Variants in ERBB4 observed in about 807,000 individuals in gnomAD.
ERBB4 encodes erb-b2 receptor tyrosine kinase 4.
In ERBB4, 42 loss-of-function variants were observed where a neutral mutation model predicts 158.0. The ratio of observed to expected loss-of-function variants is 0.27; its 90% confidence interval spans 0.21 to 0.34. The LOEUF is 0.34. Among genes scored for constraint, ERBB4 ranks in the 10% least tolerant of loss-of-function variants. ERBB4 has a pLI of 1.00. For missense variants in ERBB4, 1,333 were observed against 1,624.1 expected (o/e 0.82, Z 3.08); for synonymous variants, 583 against 558.7 (o/e 1.04, Z -0.61).
At chr2:211,807,075 T>C (rs950945587) in intron 3 of ERBB4, among the ~76,000 whole-genome samples, 11 of 152,084 alleles carry the variant, frequency 7.2e-5, no homozygotes, top group South Asian at 2.1e-4. Flanking sequence ...TTAAATATAT[T>C]CAGAGATATG....
chr2:211,902,620 T>G (rs1240660990), intron 3 of ERBB4, among the ~76,000 whole-genome samples: 3 of 151,874 alleles, frequency 2.0e-5, no homozygotes, highest in Admixed American at 6.6e-5. Context: ...TTCTGAATTC[T>G]TTAAATATCT....
At position 212,021,677 on chromosome 2, in the gene ERBB4, T is replaced by A. The variant is rs1226564933; in HGVS notation, c.235-74061A>T. Among the ~76,000 whole-genome samples the A allele has an allele frequency of 2.0e-5, 3 of 152,082 alleles. No individual in the cohort carries two copies. The East Asian group carries it at 5.8e-4, about 29-fold the overall frequency. On this transcript the variant is annotated intron_variant, in intron 2 of 27. Transcript: ENST00000342788. ...ATGGGCACAGGCAAAGATTTTATCA[T>A]GAAATCGCCAAAAGCAATTGAGACA...
intron 2 of ERBB4, among the ~76,000 whole-genome samples, chr2:211,948,973 C>T (rs2080792988): frequency 1.3e-5 from 2 of 152,082 alleles, no homozygotes; most frequent in Non-Finnish European, 2.9e-5. Flanking sequence ...CTTCCTCCAC[C>T]CCTCTGGCAG....
At chr2:211,807,325 G>A (rs1358717073) in intron 3 of ERBB4, among the ~76,000 whole-genome samples, 1 of 152,138 alleles carries the variant, frequency 6.6e-6, no homozygotes, top group African/African-American at 2.4e-5. Flanking sequence ...CCCTGGGTGT[G>A]ACGTTTCCTG....
rs575448294 is a variant in ERBB4 at position 212,287,294 on chromosome 2, G to A, written c.83-162391C>T. Among the ~76,000 whole-genome samples the A allele has an allele frequency of 2.7e-3, 408 of 152,162 alleles. 1 individual carries two copies. The highest frequency in any genetic ancestry group is 4.6e-3 in the Non-Finnish European group (311 of 68,008). ...CCACCGGCAACACCAGCCCCAGCCA[G>A]TCACACTTGTAAGAGTACTCAGCAG... On this transcript the variant is annotated intron_variant, in intron 1 of 27. Coordinates refer to ENST00000342788, the MANE Select transcript of ERBB4 (RefSeq NM_005235.3).
At chr2:212,391,603 A>T (rs1230339271) in intron 1 of ERBB4, among the ~76,000 whole-genome samples, 2 of 144,118 alleles carry the variant, frequency 1.4e-5, no homozygotes, top group Non-Finnish European at 3.0e-5. Flanking sequence ...CCTGTACAGC[A>T]ATGTGAATAT....
intron 5 of ERBB4, among the ~76,000 whole-genome samples, chr2:211,742,929 T>G (rs2074844995): frequency 6.6e-6 from 1 of 152,018 alleles, no homozygotes; most frequent in African/African-American, 2.4e-5. Flanking sequence ...TATGATAGTC[T>G]AGGAAGACTA....
At chr2:211,976,846 A>G (rs1373330687) in intron 2 of ERBB4, among the ~76,000 whole-genome samples, 1 of 152,190 alleles carries the variant, frequency 6.6e-6, no homozygotes, top group African/African-American at 2.4e-5. Flanking sequence ...AATTATGTAT[A>G]TATGACTTAC....
At chr2:211,701,176 T>G (rs544665100) in intron 12 of ERBB4, among the ~76,000 whole-genome samples, 53 of 152,312 alleles carry the variant, frequency 3.5e-4, no homozygotes, top group South Asian at 6.2e-4. Flanking sequence ...ATTAATAAAA[T>G]AAACTTTCTT....
chr2:211,699,473 G>A (rs1360144174), intron 12 of ERBB4, among the ~76,000 whole-genome samples: 1 of 152,108 alleles, frequency 6.6e-6, no homozygotes, highest in Non-Finnish European at 1.5e-5. Context: ...AGTTTACAGG[G>A]TAATTATATT....
At chr2:212,460,522 A>G (rs1688517604) in intron 1 of ERBB4, among the ~76,000 whole-genome samples, 3 of 152,112 alleles carry the variant, frequency 2.0e-5, no homozygotes, top group Admixed American at 2.0e-4. Context: ...AGCCAAGGTG[A>G]CTCTTGTTAT....
intron 20 of ERBB4, among the ~76,000 whole-genome samples, chr2:211,473,661 T>A (rs2064885219): frequency 1.3e-5 from 2 of 151,966 alleles, no homozygotes; most frequent in African/African-American, 4.8e-5. Flanking sequence ...ATAAACCTCA[T>A]CACCCTGAGG....
At position 211,377,744 on chromosome 2, in the gene ERBB4, T is replaced by G. The variant is rs908733299; in HGVS notation, c.*5871A>C. 4.3e-6 allele frequency: 1 copy of G among 232,392 alleles called. No individual in the cohort carries two copies. Among genetic ancestry groups the G allele is most frequent in the Admixed American group, 5.6e-5 (1 of 17,742 alleles). 14.4% of individuals were successfully genotyped at this position (232,392 alleles called of 1,614,324 possible). On this transcript the variant is annotated 3_prime_UTR_variant, in exon 28 of 28. Transcript: ENST00000342788. ...TGGCAAAAATAACTTCTTGGTTATATGTACAGCTTTTATGTAAAGATTAAA... is the reference window on the plus strand; with the variant it reads ...TGGCAAAAATAACTTCTTGGTTATAGGTACAGCTTTTATGTAAAGATTAAA...
At chr2:212,070,673 C>T (rs1372883039) in intron 2 of ERBB4, among the ~76,000 whole-genome samples, 1 of 151,942 alleles carries the variant, frequency 6.6e-6, no homozygotes, top group African/African-American at 2.4e-5. Flanking sequence ...TGTCTTACAC[C>T]ATACACAGAA....
intron 20 of ERBB4, among the ~76,000 whole-genome samples, chr2:211,485,604 A>G (rs1336675784): frequency 6.6e-6 from 1 of 151,372 alleles, no homozygotes; most frequent in East Asian, 2.0e-4. Context: ...TCTGTTATAC[A>G]TTATCTTATA....
chr2:211,580,327 T>G (rs2068028699), intron 19 of ERBB4, among the ~76,000 whole-genome samples: 1 of 152,038 alleles, frequency 6.6e-6, no homozygotes, highest in Admixed American at 6.6e-5. Flanking sequence ...TATCAAAAAC[T>G]GGGCTAAGGA....
chr2:212,196,120 C>T (rs896378269), intron 1 of ERBB4, among the ~76,000 whole-genome samples: 2 of 152,112 alleles, frequency 1.3e-5, no homozygotes, highest in South Asian at 2.1e-4. Flanking sequence ...GGGTAACTTT[C>T]GATTCCCCTA....
intron 20 of ERBB4, among the ~76,000 whole-genome samples, chr2:211,490,931 T>C (rs941630670): frequency 3.9e-5 from 6 of 152,118 alleles, no homozygotes; most frequent in African/African-American, 1.4e-4. Context: ...AACTGTGTGA[T>C]GTTTCAGGAG....
At chr2:212,333,860 AC>A (rs2088303057) in intron 1 of ERBB4, among the ~76,000 whole-genome samples, 1 of 152,036 alleles carries the variant, frequency 6.6e-6, no homozygotes, top group Admixed American at 6.6e-5. Context: ...TAAGAAAAAA[AC>A]CTTCTTGACT....
Sources: allele counts gnomAD v4.1 joint callset (sites outside exome capture counted in the v4.1 genomes callset), GRCh38; gene constraint gnomAD v4.1.1; transcripts MANE v1.5; gene names NCBI Gene and HGNC (gene_info 2026-07-23, HGNC 2026-07-21).